Variants in MAGI2 observed in about 807,000 individuals in gnomAD.
MAGI2 encodes the protein membrane-associated guanylate kinase, WW and PDZ domain-containing protein 2.
MAGI2 carries 35 observed loss-of-function variants against 133.3 expected under a neutral mutation model. The ratio of observed to expected loss-of-function variants is 0.26; its 90% confidence interval spans 0.20 to 0.35. The LOEUF (loss-of-function observed/expected upper bound fraction) is 0.35, where lower values mean the gene tolerates loss of function less well. MAGI2 is among the 10% of genes least tolerant of loss of function. The pLI, the probability that MAGI2 is intolerant of heterozygous loss-of-function variation, is 1.00. For missense variants in MAGI2, 1,636 were observed against 1,863.4 expected, an observed-to-expected ratio of 0.88 and a Z score of 2.25; for synonymous variants, 729 against 710.6, an observed-to-expected ratio of 1.03 and a Z score of -0.41.
chr7:79,209,421 T>C (rs1199617620), intron 1 of MAGI2, among the ~76,000 whole-genome samples: 1 of 152,050 alleles, frequency 6.6e-6, no homozygotes, highest in East Asian at 1.9e-4. Flanking sequence ...TGTAAGAACT[T>C]ACAAAAATAA....
intron 9 of MAGI2, among the ~76,000 whole-genome samples, chr7:78,313,073 G>A (rs552826536): frequency 6.6e-6 from 1 of 152,086 alleles, no homozygotes; most frequent in East Asian, 1.9e-4. Flanking sequence ...GATGGAACTG[G>A]AGGTCCTTAA....
chr7:79,045,799 A>T (rs1425407095), intron 1 of MAGI2, among the ~76,000 whole-genome samples: 1 of 152,288 alleles, frequency 6.6e-6, no homozygotes, highest in Non-Finnish European at 1.5e-5. Context: ...CCCCCAAAAA[A>T]AGAGTGGCAG....
intron 7 of MAGI2, among the ~76,000 whole-genome samples, chr7:78,361,317 C>T (rs1010171535): frequency 1.0e-4 from 15 of 149,376 alleles, no homozygotes; most frequent in South Asian, 2.1e-4. Context: ...TGCTTGAAAC[C>T]GGGAGGCGGA....
chr7:79,271,817 T>C (rs934921387), intron 1 of MAGI2, among the ~76,000 whole-genome samples: 1 of 152,002 alleles, frequency 6.6e-6, no homozygotes, highest in African/African-American at 2.4e-5. Context: ...AACTTGACTC[T>C]TTGTTAAAAT....
intron 1 of MAGI2, among the ~76,000 whole-genome samples, chr7:79,186,214 A>ATATATATATATT (rs1827095804): frequency 3.3e-4 from 2 of 6,026 alleles, no homozygotes; most frequent in Admixed American, 1.5e-3. Context: ...ATATATATAT[A>ATATATATATATT]TATATATATA....
Position 79,309,620 on chromosome 7 carries a change from C to T in MAGI2, c.301+143400G>A, listed in dbSNP as rs753636159. Among the ~76,000 whole-genome samples the T allele has an allele frequency of 4.0e-5, 6 of 151,700 alleles. No homozygotes were observed. The East Asian group carries it at 5.8e-4, about 15-fold the overall frequency. On this transcript the variant is annotated intron_variant, in intron 1 of 21. Transcript: ENST00000354212. ...AGTAAAAAATTAGTTTCACTAGACACGGTATATAATCTGTCTATAAGTATT... is the reference window on the plus strand; with the variant it reads ...AGTAAAAAATTAGTTTCACTAGACATGGTATATAATCTGTCTATAAGTATT...
intron 2 of MAGI2, among the ~76,000 whole-genome samples, chr7:78,684,444 A>G (rs573596393): frequency 6.6e-6 from 1 of 152,190 alleles, no homozygotes; most frequent in Non-Finnish European, 1.5e-5. Flanking sequence ...GGTGGGAAGC[A>G]CGTCTTTGAT....
chr7:78,812,592 G>A (rs1184579435), intron 2 of MAGI2, among the ~76,000 whole-genome samples: 1 of 149,804 alleles, frequency 6.7e-6, no homozygotes. Flanking sequence ...ATGTATGTGT[G>A]TGTGTGTGTG....
intron 2 of MAGI2, among the ~76,000 whole-genome samples, chr7:78,978,419 G>A (rs926541482): frequency 2.2e-4 from 34 of 151,816 alleles, no homozygotes; most frequent in Admixed American, 2.1e-3. Context: ...TGGTCAGAAA[G>A]CTATGTACTC....
intron 6 of MAGI2, among the ~76,000 whole-genome samples, chr7:78,385,769 A>G (rs1169603710): frequency 1.3e-5 from 2 of 152,224 alleles, no homozygotes; most frequent in Non-Finnish European, 2.9e-5. Context: ...TTTGAGGAGT[A>G]TGAATGATGT....
intron 2 of MAGI2, among the ~76,000 whole-genome samples, chr7:78,742,262 A>C (rs1471590968): frequency 6.6e-6 from 1 of 152,020 alleles, no homozygotes; most frequent in Non-Finnish European, 1.5e-5. Context: ...AAGGTTACCA[A>C]TCTCTCTCTT....
At chr7:79,218,186 C>T (rs1022568320) in intron 1 of MAGI2, among the ~76,000 whole-genome samples, 4 of 151,936 alleles carry the variant, frequency 2.6e-5, no homozygotes, top group Non-Finnish European at 1.5e-5. Flanking sequence ...TGTCATTCCT[C>T]TGGGACTGCA....
chr7:78,152,388 A>T (rs3735449), intron 16 of MAGI2, among the ~76,000 whole-genome samples: 10 of 151,980 alleles, frequency 6.6e-5, no homozygotes, highest in African/African-American at 9.7e-5. Flanking sequence ...TGGACAAGAG[A>T]TGTGTTTAAG....
rs571256939 is a variant in MAGI2, at chr7:78,998,624, G to A, written c.418+8466C>T. On this transcript the variant is annotated intron_variant, in intron 2 of 21. Coordinates refer to ENST00000354212, the MANE Select transcript of MAGI2 (RefSeq NM_012301.4). ...TGCAATGTGTAAATAACTTGGACAAGTGATCTGGACATTAGAATAGCAGTG... is the reference window on the plus strand; with the variant it reads ...TGCAATGTGTAAATAACTTGGACAAATGATCTGGACATTAGAATAGCAGTG... Among the ~76,000 whole-genome samples the A allele has an allele frequency of 5.3e-5, 8 of 152,306 alleles. No individual in the cohort carries two copies. The South Asian group carries it at 1.7e-3, about 32-fold the overall frequency.
chr7:79,236,634 C>T lies in MAGI2; in HGVS notation c.301+216386G>A, dbSNP rs148786955. ...TCCCAAGTCTGTAAAATGAAACTAT[C>T]GAACTAGATGGACTCTAAGTTCTGT... is the stretch of plus-strand genomic sequence containing the variant. On this transcript the variant is annotated intron_variant, in intron 1 of 21. Coordinates refer to ENST00000354212, the MANE Select transcript of MAGI2 (RefSeq NM_012301.4). Among the ~76,000 whole-genome samples, 289 of 152,278 alleles carry T rather than the reference C, an allele frequency of 1.9e-3. 1 individual carries two copies. The highest frequency in any genetic ancestry group is 6.7e-3 in the African/African-American group (278 of 41,570).
chr7:78,988,021 G>A (rs1314125860), intron 2 of MAGI2, among the ~76,000 whole-genome samples: 4 of 152,152 alleles, frequency 2.6e-5, no homozygotes, highest in Non-Finnish European at 5.9e-5. Context: ...ACAAATGAGC[G>A]TCCAAATATT....
At chr7:78,966,887 T>C (rs1030054785) in intron 2 of MAGI2, among the ~76,000 whole-genome samples, 2 of 151,224 alleles carry the variant, frequency 1.3e-5, no homozygotes, top group Non-Finnish European at 2.9e-5. Flanking sequence ...TGATTAGTGA[T>C]GTTGAACATC....
intron 14 of MAGI2, among the ~76,000 whole-genome samples, chr7:78,175,300 C>A (rs1019731116): frequency 2.6e-5 from 4 of 152,150 alleles, no homozygotes; most frequent in Admixed American, 2.6e-4. Context: ...GTTCCAGTCC[C>A]CCCTAGAAAC....
chr7:78,449,878 T>C (rs1788538117), intron 6 of MAGI2, among the ~76,000 whole-genome samples: 1 of 152,110 alleles, frequency 6.6e-6, no homozygotes, highest in Non-Finnish European at 1.5e-5. Flanking sequence ...TCTTATTTAA[T>C]CTACAGCTGC....
Sources: gnomAD v4.1 joint callset for allele counts (sites outside exome capture counted in the v4.1 genomes callset) on GRCh38, gnomAD v4.1.1 for gene constraint, MANE v1.5 for transcripts, NCBI Gene and HGNC (gene_info 2026-07-23, HGNC 2026-07-21) for gene names.